TTC7B: variants seen among roughly 807,000 people sequenced by gnomAD.
TTC7B encodes tetratricopeptide repeat protein 7B.
In TTC7B, 28 loss-of-function variants were observed where a neutral mutation model predicts 106.8. That is an observed-to-expected ratio of 0.26 (90% CI 0.19 to 0.36). The LOEUF is 0.36. TTC7B is among the 10% of genes least tolerant of loss of function. The pLI is 1.00. For missense variants in TTC7B, 862 were observed against 1,076.4 expected (o/e 0.80, Z 2.79); for synonymous variants, 405 against 430.6 (o/e 0.94, Z 0.74).
In TTC7B at chr14:90,538,388, G is replaced by A. The variant is rs1203103422; in HGVS notation, c.*2980C>T. 6.6e-6 allele frequency: 1 copy of A among 152,368 alleles called. No homozygotes were observed. Among genetic ancestry groups the A allele is most frequent in the Non-Finnish European group, 1.5e-5 (1 of 68,130 alleles). 9.4% of individuals were successfully genotyped at this position (152,368 alleles called of 1,614,324 possible). ...GCTCAGCAGGTCAGAAGACTAGGAAGAAGGCCAGAGCCATGAGAGGGCTTG... is the reference window on the plus strand; with the variant it reads ...GCTCAGCAGGTCAGAAGACTAGGAAAAAGGCCAGAGCCATGAGAGGGCTTG... On this transcript the variant is annotated 3_prime_UTR_variant, in exon 20 of 20. Coordinates refer to ENST00000328459, the MANE Select transcript of TTC7B (RefSeq NM_001010854.2).
chr14:90,547,429 G>A (rs1257802854), intron 19 of TTC7B, among the ~76,000 whole-genome samples: 1 of 152,232 alleles, frequency 6.6e-6, no homozygotes, highest in African/African-American at 2.4e-5. Context: ...GTTTCCTGCT[G>A]CAGCCTTGGT....
intron 3 of TTC7B, among the ~76,000 whole-genome samples, chr14:90,764,172 A>G (rs1349923802): frequency 6.6e-6 from 1 of 152,132 alleles, no homozygotes; most frequent in East Asian, 1.9e-4. Flanking sequence ...ATGCTCAACT[A>G]ATTTTCAACA....
intron 5 of TTC7B, chr14:90,699,274 A>G: frequency 2.2e-6 from 1 of 448,654 alleles, no homozygotes; most frequent in Non-Finnish European, 4.5e-6. Flanking sequence ...CCAGAGCTCC[A>G]AAATCAAAAT....
At chr14:90,668,217 A>C (rs1222713001) in intron 9 of TTC7B, among the ~76,000 whole-genome samples, 1 of 152,172 alleles carries the variant, frequency 6.6e-6, no homozygotes, top group African/African-American at 2.4e-5. Context: ...AAGGAAACTC[A>C]TTTTAGATCA....
chr14:90,640,044 C>T (rs908257711), intron 15 of TTC7B, among the ~76,000 whole-genome samples: 3 of 152,114 alleles, frequency 2.0e-5, no homozygotes, highest in East Asian at 1.9e-4. Context: ...TTTGGGAGGC[C>T]GAGGCGCATG....
intron 8 of TTC7B, among the ~76,000 whole-genome samples, chr14:90,678,448 T>C (rs535134278): frequency 6.6e-6 from 1 of 152,340 alleles, no homozygotes; most frequent in South Asian, 2.1e-4. Context: ...ATTGAGCACA[T>C]TCATTTTCTG....
chr14:90,646,802 C>T (rs1419299785), intron 14 of TTC7B, 149 bp downstream of exon 14: 17 of 728,556 alleles, frequency 2.3e-5, no homozygotes, highest in Non-Finnish European at 4.0e-5. Flanking sequence ...ACACCAGGCT[C>T]TTTGCTGAAA....
At chr14:90,743,756 C>A (rs1343226915) in intron 4 of TTC7B, among the ~76,000 whole-genome samples, 1 of 147,628 alleles carries the variant, frequency 6.8e-6, no homozygotes, top group Non-Finnish European at 1.5e-5. Context: ...GAAGTAGGAA[C>A]TATGATTATG....
chr14:90,610,631 G>A, intron 17 of TTC7B, 111 bp downstream of exon 17: 1 of 760,764 alleles, frequency 1.3e-6, no homozygotes, highest in Non-Finnish European at 2.3e-6. Flanking sequence ...AACTATTTGT[G>A]CAAGAAATTT....
intron 15 of TTC7B, among the ~76,000 whole-genome samples, chr14:90,621,848 T>C (rs1044651587): frequency 1.3e-5 from 2 of 152,174 alleles, no homozygotes; most frequent in Admixed American, 6.5e-5. Flanking sequence ...TTCAAGACTG[T>C]TCAAAAACAT....
At chr14:90,573,660 G>A (rs1891139394) in intron 19 of TTC7B, among the ~76,000 whole-genome samples, 1 of 151,610 alleles carries the variant, frequency 6.6e-6, no homozygotes, top group African/African-American at 2.4e-5. Flanking sequence ...TCCCTCTCTG[G>A]CTCACGGTCC....
intron 16 of TTC7B, among the ~76,000 whole-genome samples, chr14:90,615,463 C>A (rs548137365): frequency 6.6e-6 from 1 of 152,324 alleles, no homozygotes; most frequent in South Asian, 2.1e-4. Flanking sequence ...CAAATGCTGT[C>A]TGCCAAAATG....
At chr14:90,666,606 T>C (rs1363106372) in intron 9 of TTC7B, among the ~76,000 whole-genome samples, 1 of 152,206 alleles carries the variant, frequency 6.6e-6, no homozygotes, top group Non-Finnish European at 1.5e-5. Context: ...TTGCCCCAAG[T>C]TTGGAGAAAA....
chr14:90,720,714 C>T (rs1285428724), intron 5 of TTC7B, among the ~76,000 whole-genome samples: 1 of 152,158 alleles, frequency 6.6e-6, no homozygotes, highest in Non-Finnish European at 1.5e-5. Context: ...GACTTTTAGA[C>T]ACGAAATTAT....
chr14:90,624,435 A>T lies in TTC7B; in HGVS notation c.1752-6390T>A, dbSNP rs550781698. On this transcript the variant is annotated intron_variant, in intron 15 of 19. Coordinates refer to ENST00000328459, the MANE Select transcript of TTC7B (RefSeq NM_001010854.2). This position sits in a 1 kb window ranked among gnomAD's most constrained non-coding sequence, Gnocchi z 4.0. ...TTGTCAGGGCCATGCTCGGTGTCTC[A>T]TGCCATTCCCCAGGAAGACTTCGCT... Among the ~76,000 whole-genome samples, 1 of 152,254 alleles carries T rather than the reference A, an allele frequency of 6.6e-6. No homozygotes were observed. Among genetic ancestry groups the T allele is most frequent in the East Asian group, 1.9e-4 (1 of 5,172 alleles).
At chr14:90,749,810 C>T (rs1183652895) in intron 3 of TTC7B, among the ~76,000 whole-genome samples, 1 of 152,176 alleles carries the variant, frequency 6.6e-6, no homozygotes, top group African/African-American at 2.4e-5. Context: ...TTAATCACAT[C>T]CAGTGTACTT....
At chr14:90,555,150 G>C (rs1022417978) in intron 19 of TTC7B, among the ~76,000 whole-genome samples, 1 of 152,222 alleles carries the variant, frequency 6.6e-6, no homozygotes, top group Non-Finnish European at 1.5e-5. Flanking sequence ...GAGGGTAGCA[G>C]GCATTTAGGG....
intron 9 of TTC7B, among the ~76,000 whole-genome samples, chr14:90,671,175 G>T (rs1417682580): frequency 6.6e-6 from 1 of 152,138 alleles, no homozygotes; most frequent in Non-Finnish European, 1.5e-5. Flanking sequence ...TAAACAAATG[G>T]TGGGCCTGGC....
chr14:90,581,781 G>A (rs1279065961), intron 18 of TTC7B, among the ~76,000 whole-genome samples: 1 of 152,210 alleles, frequency 6.6e-6, no homozygotes, highest in Non-Finnish European at 1.5e-5. Context: ...CTGCTCTCCA[G>A]GGGTCCTCCA....
Sources: allele counts gnomAD v4.1 joint callset (sites outside exome capture counted in the v4.1 genomes callset), GRCh38; gene constraint gnomAD v4.1.1; non-coding constraint Gnocchi (gnomAD v3.1); transcripts MANE v1.5; gene names NCBI Gene and HGNC (gene_info 2026-07-23, HGNC 2026-07-21).